Variants in BCL7C observed in about 807,000 individuals in gnomAD.
BCL7C encodes the protein B-cell CLL/lymphoma 7 protein family member C.
In BCL7C, 8 loss-of-function variants were observed where a neutral mutation model predicts 26.2. The ratio of observed to expected loss-of-function variants is 0.30; its 90% confidence interval spans 0.18 to 0.55. The LOEUF is 0.55. BCL7C is among the 20% of genes least tolerant of loss of function. BCL7C has a pLI of 0.93. For synonymous variants in BCL7C, 90 were observed against 116.5 expected, an observed-to-expected ratio of 0.77 and a Z score of 1.47; for missense variants, 262 against 298.5, an observed-to-expected ratio of 0.88 and a Z score of 0.90.
chr16:30,834,341 G>A lies in BCL7C; in HGVS notation c.*607C>T, dbSNP rs1346088210. ...GTGGAACCACTTGCCGTATGTCCTC[G>A]GGCGCTGGAGGTCTCCCAGCGCTGG... On this transcript the variant is annotated 3_prime_UTR_variant, in exon 6 of 6. Transcript: ENST00000380317. This position sits in a 1 kb window ranked among gnomAD's most constrained non-coding sequence, Gnocchi z 4.3. 6.6e-6 allele frequency: 1 copy of A among 152,254 alleles called. No individual in the cohort carries two copies. Among genetic ancestry groups the A allele is most frequent in the East Asian group, 1.9e-4 (1 of 5,202 alleles). 9.4% of individuals were successfully genotyped at this position (152,254 alleles called of 1,614,324 possible). A position where few individuals can be genotyped will look rare whatever the true frequency, so the allele number is the denominator to read the frequency against.
Position 30,859,888 on chromosome 16 carries a change from G to A in BCL7C, c.529-24740C>T, listed in dbSNP as rs769358013. 3.3e-5 allele frequency among the ~76,000 whole-genome samples: 5 copies of A among 152,200 alleles called. No individual in the cohort carries two copies. In the East Asian group the frequency reaches 5.8e-4, roughly 18 times the overall value. ...ACAAATGCACATGACATTTGGTGCC[G>A]AAACCTGGGACAGGAGGACTCCTTC... On this transcript the variant is annotated intron_variant, in intron 5 of 5. Coordinates refer to the BCL7C transcript ENST00000380317.
intron 5 of BCL7C, among the ~76,000 whole-genome samples, chr16:30,844,041 C>CAAAAAAA (rs533064710): frequency 4.1e-5 from 1 of 24,378 alleles, no homozygotes. Flanking sequence ...GACTCTGCCT[C>CAAAAAAA]AAAAAAAAAA....
intron 5 of BCL7C, among the ~76,000 whole-genome samples, chr16:30,869,435 G>A (rs1262280732): frequency 6.7e-6 from 1 of 150,066 alleles, no homozygotes; most frequent in African/African-American, 2.5e-5. Context: ...GAACTCCTAA[G>A]CTCTAGTGGA....
At chr16:30,853,351 C>G (rs545557010) in intron 5 of BCL7C, among the ~76,000 whole-genome samples, 3 of 152,182 alleles carry the variant, frequency 2.0e-5, no homozygotes, top group African/African-American at 7.2e-5. Flanking sequence ...TCAAGATCAT[C>G]GAGATCACTG....
At chr16:30,837,699 C>CAG (rs1187521113) in intron 5 of BCL7C, among the ~76,000 whole-genome samples, 5 of 152,128 alleles carry the variant, frequency 3.3e-5, no homozygotes, top group African/African-American at 4.8e-5. Flanking sequence ...ACTGGGCCTG[C>CAG]AGCATAGGAC....
At chr16:30,863,272 G>C (rs1042316072) in intron 5 of BCL7C, among the ~76,000 whole-genome samples, 2 of 152,124 alleles carry the variant, frequency 1.3e-5, no homozygotes, top group South Asian at 4.1e-4. Flanking sequence ...TGAGGCCACT[G>C]CTCTGCCCCT....
chr16:30,882,237 C>T (rs898870700), intron 5 of BCL7C, among the ~76,000 whole-genome samples: 1 of 152,106 alleles, frequency 6.6e-6, no homozygotes, highest in African/African-American at 2.4e-5. Flanking sequence ...TGCTAGCCAC[C>T]ACGCCCGGCC....
At chr16:30,855,935 G>A (rs1032371319) in intron 5 of BCL7C, among the ~76,000 whole-genome samples, 5 of 151,130 alleles carry the variant, frequency 3.3e-5, no homozygotes, top group Admixed American at 6.6e-5. Flanking sequence ...TGGTGCAGGC[G>A]CCTGTAATCC....
intron 5 of BCL7C, 135 bp from the exon 6 acceptor site, chr16:30,888,125 A>T: frequency 6.5e-6 from 5 of 771,160 alleles, no homozygotes; most frequent in Admixed American, 3.7e-5. Flanking sequence ...GATGCCCAGG[A>T]TGCAGAGGAA....
chr16:30,888,990 G>A, intron 4 of BCL7C, 45 bp from the exon 5 acceptor site: 2 of 1,576,528 alleles, frequency 1.3e-6, no homozygotes, highest in Non-Finnish European at 1.7e-6. Flanking sequence ...GCCACTCTGT[G>A]CCAGCAGCAC....
chr16:30,865,955 G>A (rs2054822864), intron 5 of BCL7C, among the ~76,000 whole-genome samples: 1 of 148,322 alleles, frequency 6.7e-6, no homozygotes. Flanking sequence ...AGCTTGTCTC[G>A]AACTCCTGAC....
Position 30,893,965 on chromosome 16 carries a change from G to A in BCL7C, c.-21C>T. 2 of 1,328,122 alleles carry A rather than the reference G, an allele frequency of 1.5e-6. No individual in the cohort carries two copies. Among genetic ancestry groups the A allele is most frequent in the Non-Finnish European group, 1.9e-6 (2 of 1,034,870 alleles). The allele number at this position is 1,328,122 out of a possible 1,614,324, so 82.3% of individuals were successfully genotyped here. A position where few individuals can be genotyped will look rare whatever the true frequency, so the allele number is the denominator to read the frequency against. On this transcript the variant is annotated 5_prime_UTR_variant, in exon 1 of 6. Transcript: ENST00000215115. The surrounding 1 kb of genome is among the most constrained non-coding windows in gnomAD (Gnocchi z 5.2). ...GCCATGCTGGCGGGGCTGGGGCCGG[G>A]GCCGAGCCCGCGGCGGGGCCGCCTC...
chr16:30,861,471 C>T lies in BCL7C; in HGVS notation c.529-26323G>A, dbSNP rs368463492. On this transcript the variant is annotated intron_variant, in intron 5 of 5. Coordinates refer to the BCL7C transcript ENST00000380317. The stretch of plus-strand genomic sequence containing the variant: ...TGGCCACTGGGCCAAGGAATGCCCA[C>T]AGCCCGGGATTCCTCCTAAGCCGTG... Among the ~76,000 whole-genome samples the T allele has an allele frequency of 1.3e-3, 194 of 152,352 alleles. No homozygotes were observed. In the South Asian group the frequency reaches 0.04, roughly 31 times the overall value.
chr16:30,892,606 G>T lies in BCL7C; in HGVS notation c.422C>A (p.Pro141Gln), dbSNP rs769629157. 26 of 1,582,202 alleles carry T rather than the reference G, an allele frequency of 1.6e-5. No homozygotes were observed. Among genetic ancestry groups the T allele is most frequent in the Non-Finnish European group, 1.9e-5 (22 of 1,168,330 alleles). ...CCTACCTCTCTCTTGGCCCAGCCGT[G>T]GGGGCTGAGCCTCCTCAGGGACCCC... is the stretch of plus-strand genomic sequence containing the variant. ...PEGVPEEAQP[P>Q]RLGQERDPGG... The change falls in exon 4 of 6, where the codon CCA becomes CAA. Residue 141 changes from proline (P) to glutamine (Q), a missense_variant. Physicochemically the swap from Pro to Gln is moderately conservative, Grantham distance 76. Transcript: ENST00000215115.
intron 5 of BCL7C, among the ~76,000 whole-genome samples, chr16:30,842,693 C>T (rs1275245554): frequency 2.0e-5 from 3 of 152,056 alleles, no homozygotes; most frequent in South Asian, 4.2e-4. Flanking sequence ...CTCAGCCTCC[C>T]GAGTAGCTGG....
At chr16:30,875,617 C>G (rs879790692) in intron 5 of BCL7C, 3 of 152,250 alleles carry the variant, frequency 2.0e-5, no homozygotes, top group East Asian at 3.9e-4. Flanking sequence ...CCCGTGCCCT[C>G]ACCAGATCTT....
At chr16:30,887,253 G>A (rs1244015705), downstream of BCL7C, among the ~76,000 whole-genome samples, 1 of 151,868 alleles carries the variant, frequency 6.6e-6, no homozygotes, top group East Asian at 1.9e-4. Flanking sequence ...AGTTTGCAGT[G>A]AGGCGAGATT....
chr16:30,894,009 C>T lies in BCL7C; in HGVS notation c.-65G>A. 1.2e-6 allele frequency: 1 copy of T among 835,032 alleles called. No individual in the cohort carries two copies. Among genetic ancestry groups the T allele is most frequent in the East Asian group, 6.2e-5 (1 of 16,124 alleles). 51.7% of individuals were successfully genotyped at this position (835,032 alleles called of 1,614,324 possible). A position where few individuals can be genotyped will look rare whatever the true frequency, so the allele number is the denominator to read the frequency against. On this transcript the variant is annotated 5_prime_UTR_variant, in exon 1 of 6. Coordinates refer to ENST00000215115, the MANE Select transcript of BCL7C (RefSeq NM_004765.4). ...CCGCCTCCCGTCCGGCGGGCTCAGG[C>T]TCCGCGCCAGGCCCGGGCGCCGCGC... is the stretch of plus-strand genomic sequence containing the variant.
intron 5 of BCL7C, among the ~76,000 whole-genome samples, chr16:30,881,894 A>G (rs2055049596): frequency 6.7e-6 from 1 of 148,676 alleles, no homozygotes; most frequent in South Asian, 2.1e-4. Context: ...TTTCCAGCGC[A>G]CTCTAACTTC....
Sources: gnomAD v4.1 joint callset for allele counts (sites outside exome capture counted in the v4.1 genomes callset) on GRCh38, gnomAD v4.1.1 for gene constraint, Gnocchi (gnomAD v3.1) non-coding constraint, MANE v1.5 for transcripts, NCBI Gene and HGNC (gene_info 2026-07-23, HGNC 2026-07-21) for gene names.